The following PCDHA5 variants were observed in gnomAD, a reference collection of about 807,000 sequenced individuals.
PCDHA5 encodes protocadherin alpha 5.
Under a neutral mutation model 61.6 loss-of-function variants are expected in PCDHA5, and 43 were observed. That is an observed-to-expected ratio of 0.70 (90% CI 0.55 to 0.90). PCDHA5 has a LOEUF of 0.90. PCDHA5 is among the 40% of genes least tolerant of loss of function. PCDHA5 has a pLI of 0.00. For synonymous variants in PCDHA5, 627 were observed against 543.9 expected (o/e 1.15, Z -2.13); for missense variants, 1,298 against 1,222.7 (o/e 1.06, Z -0.92).
At position 140,997,829 on chromosome 5, in the gene PCDHA5, C is replaced by G. The variant is rs1294994549; in HGVS notation, c.2501-11798C>G. On this transcript the variant is annotated intron_variant, in intron 3 of 3. Transcript: ENST00000529859. ...GCTGTTGGTATCTATGTTTTCTAAA[C>G]AATACAATATACATTCTTATACATA... 2.0e-5 allele frequency among the ~76,000 whole-genome samples: 3 copies of G among 152,190 alleles called. No homozygotes were observed. The East Asian group carries it at 5.8e-4, about 29-fold the overall frequency.
chr5:140,895,515 G>A (rs2065042106), intron 1 of PCDHA5, among the ~76,000 whole-genome samples: 1 of 151,948 alleles, frequency 6.6e-6, no homozygotes, highest in Non-Finnish European at 1.5e-5. Flanking sequence ...ATTTTTAATT[G>A]GTTTATTCGT....
chr5:140,822,944 C>A lies in PCDHA5; in HGVS notation c.1169C>A (p.Pro390His), dbSNP rs2150120585. Residue 390 changes from proline to histidine, a missense_variant, in exon 1 of 4, where the codon CCC (proline) becomes CAC (histidine). Physicochemically the swap from Pro to His is moderately conservative, Grantham distance 77. Transcript: ENST00000529859. ...GGGCAGGTGACCTGCTCCCTAATGC[C>A]CCACGTTCCCTTCAAGCTGGTGTCC... ...ANGQVTCSLMPHVPFKLVSTF... is the reference protein window; with the variant it reads ...ANGQVTCSLMHHVPFKLVSTF... 2 of 1,614,240 alleles carry A rather than the reference C, an allele frequency of 1.2e-6. No homozygotes were observed.
intron 1 of PCDHA5, chr5:140,966,586 T>C (rs1339521044): frequency 5.5e-6 from 3 of 548,910 alleles, no homozygotes; most frequent in Non-Finnish European, 8.8e-6. Flanking sequence ...GCGAGGACGG[T>C]GGGGCCAGGA....
chr5:140,972,411 G>A (rs1258321444), intron 1 of PCDHA5, among the ~76,000 whole-genome samples: 1 of 151,680 alleles, frequency 6.6e-6, no homozygotes, highest in Non-Finnish European at 1.5e-5. Flanking sequence ...GGCAAACCCT[G>A]TTAAGATCTT....
At chr5:140,913,379 C>T (rs1554195889) in intron 1 of PCDHA5, among the ~76,000 whole-genome samples, 1 of 152,134 alleles carries the variant, frequency 6.6e-6, no homozygotes, top group Non-Finnish European at 1.5e-5. Context: ...CATATAGTGG[C>T]TCATCATAGC....
chr5:140,863,840 G>T (rs2048198603), intron 1 of PCDHA5: 1 of 181,960 alleles, frequency 5.5e-6, no homozygotes, highest in Admixed American at 5.3e-5. Flanking sequence ...CTCTACTAAA[G>T]ATATAAAAAA....
In PCDHA5 at chr5:140,876,678, G is replaced by C. The variant is rs782561315; in HGVS notation, c.2352+52551G>C. ...CCTTCAAGCTGGTGTCCACCTACAA[G>C]AATTACTACTCGTTGGTGCTGGACA... On this transcript the variant is annotated intron_variant, in intron 1 of 3. Coordinates refer to ENST00000529859, the MANE Select transcript of PCDHA5 (RefSeq NM_018908.3). The C allele has an allele frequency of 1.9e-6, 3 of 1,614,100 alleles. No individual in the cohort carries two copies. In the East Asian group the frequency reaches 6.7e-5, roughly 36 times the overall value.
intron 1 of PCDHA5, among the ~76,000 whole-genome samples, chr5:140,878,731 A>T (rs1037542413): frequency 1.3e-5 from 2 of 152,252 alleles, no homozygotes; most frequent in Admixed American, 6.5e-5. Context: ...TTCCAGCCTT[A>T]TATCTACTTT....
chr5:140,843,275 A>ACC, intron 1 of PCDHA5: 1 of 1,595,960 alleles, frequency 6.3e-7, no homozygotes, highest in East Asian at 2.2e-5. Flanking sequence ...GGTCCTGGTG[A>ACC]AGGATCATGG....
In PCDHA5 at chr5:140,822,357, T is replaced by C; in HGVS notation, c.582T>C (p.Val194=). The change falls in exon 1 of 4, where the codon GTT becomes GTC. Residue 194 remains valine (V), a synonymous_variant. Coordinates refer to ENST00000529859, the MANE Select transcript of PCDHA5 (RefSeq NM_018908.3). ...AAGAAACGAACTTTTTAGAGCTGGT[T>C]TTGAGGAAATCCTTAGATAGAGAAG... The part of the protein sequence containing the change: ...NEEETNFLEL[V]LRKSLDREET... 6.2e-7 allele frequency: 1 copy of C among 1,614,132 alleles called. No homozygotes were observed. The highest frequency in any genetic ancestry group is 8.5e-7 in the Non-Finnish European group (1 of 1,180,020).
In PCDHA5 at chr5:140,876,716, G is replaced by T. The variant is rs374218090; in HGVS notation, c.2352+52589G>T. The T allele has an allele frequency of 9.3e-6, 15 of 1,614,132 alleles. No individual in the cohort carries two copies. The African/African-American group carries it at 1.2e-4, about 13-fold the overall frequency. ...TTGGTGCTGGACAGCGCCCTGGACC[G>T]CGAGAGCGTGTCGGCCTATGAGCTG... On this transcript the variant is annotated intron_variant, in intron 1 of 3. Coordinates refer to ENST00000529859, the MANE Select transcript of PCDHA5 (RefSeq NM_018908.3).
At chr5:140,989,437 A>G (rs1330784508) in intron 3 of PCDHA5, among the ~76,000 whole-genome samples, 1 of 152,138 alleles carries the variant, frequency 6.6e-6, no homozygotes, top group East Asian at 1.9e-4. Flanking sequence ...AAAATTGCTG[A>G]GGTTGTTTAG....
chr5:140,968,996 G>A, intron 1 of PCDHA5: 1 of 1,614,202 alleles, frequency 6.2e-7, no homozygotes, highest in Non-Finnish European at 8.5e-7. Flanking sequence ...ATGCTGTGGA[G>A]GCTTCTGTGG....
chr5:140,863,062 G>C (rs62384481), intron 1 of PCDHA5: 2 of 565,590 alleles, frequency 3.5e-6, no homozygotes, highest in African/African-American at 3.8e-5. Flanking sequence ...CCCGTTCCAC[G>C]TGGGGCTCTG....
intron 3 of PCDHA5, among the ~76,000 whole-genome samples, chr5:141,007,590 GATA>G (rs1332143320): frequency 4.0e-5 from 6 of 151,858 alleles, no homozygotes; most frequent in Non-Finnish European, 8.8e-5. Context: ...TAATAATCAT[GATA>G]ATAATAAAAG....
chr5:140,961,622 A>G (rs2095624628), intron 1 of PCDHA5, among the ~76,000 whole-genome samples: 1 of 152,218 alleles, frequency 6.6e-6, no homozygotes, highest in Non-Finnish European at 1.5e-5. Flanking sequence ...AAGTGCCCAT[A>G]TGAAAAACAA....
chr5:140,922,605 A>G (rs1328283001), intron 1 of PCDHA5, among the ~76,000 whole-genome samples: 2 of 152,258 alleles, frequency 1.3e-5, no homozygotes, highest in African/African-American at 4.8e-5. Flanking sequence ...AGTTGAAGAT[A>G]TATTAAAACT....
At chr5:140,857,718 A>G in intron 1 of PCDHA5, 1 of 1,597,160 alleles carries the variant, frequency 6.3e-7, no homozygotes, top group Non-Finnish European at 8.6e-7. Context: ...GTGCTGGACG[A>G]GAACGACAAC....
rs2150449498 is a variant in PCDHA5 at position 140,849,775 on chromosome 5, C to A, written c.2352+25648C>A. 6.3e-7 allele frequency: 1 copy of A among 1,598,434 alleles called. No homozygotes were observed. The highest frequency in any genetic ancestry group is 8.6e-7 in the Non-Finnish European group (1 of 1,167,964). Reference sequence around the variant, plus strand: ...TCCGCCTACGAGCTGGTGGTTACCGCGCGGGACGGGGGCTCGCCTTCACTG... The same window carrying A: ...TCCGCCTACGAGCTGGTGGTTACCGAGCGGGACGGGGGCTCGCCTTCACTG... On this transcript the variant is annotated intron_variant, in intron 1 of 3. Transcript: ENST00000529859.
Sources: gnomAD v4.1 joint callset for allele counts (sites outside exome capture counted in the v4.1 genomes callset) on GRCh38, gnomAD v4.1.1 for gene constraint, MANE v1.5 for transcripts, NCBI Gene and HGNC (gene_info 2026-07-23, HGNC 2026-07-21) for gene names.